The following CSTF3 variants were observed in gnomAD, a reference collection of about 807,000 sequenced individuals.
CSTF3 encodes cleavage stimulation factor subunit 3, also known as CF-1 77 kDa subunit.
CSTF3 carries 29 observed loss-of-function variants against 105.8 expected under a neutral mutation model. The ratio of observed to expected loss-of-function variants is 0.27; its 90% CI spans 0.20 to 0.37. The LOEUF (loss-of-function observed/expected upper bound fraction) is 0.37. Ranked by LOEUF, CSTF3 falls within the 10% of genes least tolerant of loss-of-function variation. CSTF3 has a pLI of 1.00. For synonymous variants in CSTF3, 252 were observed against 281.9 expected (o/e 0.89, Z 1.06); for missense variants, 357 against 879.3 (o/e 0.41, Z 7.51).
intron 3 of CSTF3, among the ~76,000 whole-genome samples, chr11:33,111,684 A>G (rs2133781016): frequency 6.6e-6 from 1 of 152,340 alleles, no homozygotes; most frequent in East Asian, 1.9e-4. Flanking sequence ...CAAATTTTGC[A>G]TACCCGTCCC....
chr11:33,146,007 C>T (rs1468622987), intron 1 of CSTF3, among the ~76,000 whole-genome samples: 4 of 152,002 alleles, frequency 2.6e-5, no homozygotes, highest in Admixed American at 2.0e-4. Flanking sequence ...GAGGCTGAGG[C>T]GAGTGGATCA....
chr11:33,130,781 G>A (rs1221649613), intron 3 of CSTF3, among the ~76,000 whole-genome samples: 2 of 151,974 alleles, frequency 1.3e-5, no homozygotes, highest in Non-Finnish European at 2.9e-5. Context: ...AGGAGTTCAA[G>A]ACCAGCCTGG....
At chr11:33,098,446 A>C (rs1855246845) in intron 13 of CSTF3, among the ~76,000 whole-genome samples, 2 of 152,144 alleles carry the variant, frequency 1.3e-5, no homozygotes, top group African/African-American at 4.8e-5. Flanking sequence ...ACAGATCAGT[A>C]ATTGTCAGAG....
Position 33,085,206 on chromosome 11 carries a change from C to T in CSTF3, c.2035G>A (p.Val679Ile), listed in dbSNP as rs753943459. 2.5e-6 allele frequency: 4 copies of T among 1,612,496 alleles called. 1 individual carries two copies. The South Asian group carries it at 4.4e-5, about 18-fold the overall frequency. Residue 679 changes from valine to isoleucine, a missense_variant, in exon 21 of 21, where the codon GTA becomes ATA. Physicochemically the swap from Val to Ile is conservative, Grantham distance 29. Coordinates refer to ENST00000323959, the MANE Select transcript of CSTF3 (RefSeq NM_001326.3). ...GGCCTTTTGACGGCCTTGGTGAGTACTGCATTACTTTCCACGGGGCCGTTG... is the reference window on the plus strand; with the variant it reads ...GGCCTTTTGACGGCCTTGGTGAGTATTGCATTACTTTCCACGGGGCCGTTG... ...EGNGPVESNA[V>I]LTKAVKRPNE...
intron 3 of CSTF3, among the ~76,000 whole-genome samples, chr11:33,133,781 G>C (rs1855624610): frequency 6.6e-6 from 1 of 152,216 alleles, no homozygotes; most frequent in Admixed American, 6.5e-5. Flanking sequence ...CTGCACTCAA[G>C]CCTGGGTGAC....
chr11:33,105,945 C>A (rs767220745), intron 6 of CSTF3, 28 bp from the exon 7 acceptor site: 1 of 1,578,904 alleles, frequency 6.3e-7, no homozygotes, highest in Non-Finnish European at 8.6e-7. Context: ...ATGTTAATAT[C>A]TTTCTTGGTA....
rs570303819 is a variant in CSTF3 at position 33,111,578 on chromosome 11, C to G, written c.226-3160G>C. 2.6e-5 allele frequency among the ~76,000 whole-genome samples: 4 copies of G among 152,234 alleles called. No individual in the cohort carries two copies. The South Asian group carries it at 8.3e-4, about 32-fold the overall frequency. ...CATAATTATGGTTGGCAGGGTGATA[C>G]GGGTGGATGCAAAAATAGAGACAAG... is the stretch of plus-strand genomic sequence containing the variant. On this transcript the variant is annotated intron_variant, in intron 3 of 20. Coordinates refer to ENST00000323959, the MANE Select transcript of CSTF3 (RefSeq NM_001326.3).
intron 8 of CSTF3, among the ~76,000 whole-genome samples, chr11:33,104,129 T>C (rs990533161): frequency 4.6e-5 from 7 of 152,194 alleles, no homozygotes; most frequent in Non-Finnish European, 7.4e-5. Flanking sequence ...ACCTGGCTAA[T>C]AGCCCTTTTC....
intron 3 of CSTF3, among the ~76,000 whole-genome samples, chr11:33,131,191 GA>G (rs1855595220): frequency 6.6e-6 from 1 of 152,138 alleles, no homozygotes; most frequent in South Asian, 2.1e-4. Context: ...ATAGCAACTA[GA>G]ATTTTAGAGA....
rs1849941065 is a variant in CSTF3, at chr11:33,161,358, G to A, written c.-33C>T. ...GCTGATTACAACGTGCGCACTGACC[G>A]TCGATGGGAAGCTAGAAAAGAAAAA... On this transcript the variant is annotated 5_prime_UTR_variant, in exon 1 of 21. The change creates a new upstream start codon in the 5' untranslated region. Transcript: ENST00000323959. 4 of 1,610,614 alleles carry A rather than the reference G, an allele frequency of 2.5e-6. No individual in the cohort carries two copies. Among genetic ancestry groups the A allele is most frequent in the South Asian group, 1.1e-5 (1 of 91,070 alleles).
At chr11:33,121,857 T>A (rs1855492963) in intron 3 of CSTF3, among the ~76,000 whole-genome samples, 1 of 152,204 alleles carries the variant, frequency 6.6e-6, no homozygotes, top group Non-Finnish European at 1.5e-5. Context: ...CCATGACTAC[T>A]ATAACAGGTC....
At chr11:33,096,780 C>T (rs948082302) in intron 14 of CSTF3, 55 bp downstream of exon 14, 15 of 1,510,772 alleles carry the variant, frequency 9.9e-6, no homozygotes, top group Admixed American at 4.4e-5. Flanking sequence ...CTTTCTTTTA[C>T]GAACCTCAGA....
At chr11:33,115,511 A>G (rs544411099) in intron 3 of CSTF3, among the ~76,000 whole-genome samples, 1 of 152,282 alleles carries the variant, frequency 6.6e-6, no homozygotes, top group African/African-American at 2.4e-5. Flanking sequence ...CCCAATTTTA[A>G]GGTAAAGAAA....
chr11:33,097,391 A>G (rs991789121), intron 13 of CSTF3, among the ~76,000 whole-genome samples: 1 of 151,858 alleles, frequency 6.6e-6, no homozygotes, highest in African/African-American at 2.4e-5. Context: ...TTTTTTTGAG[A>G]CGGAGTCTCG....
intron 4 of CSTF3, 92 bp from the exon 5 acceptor site, chr11:33,108,092 C>T (rs1160233665): frequency 2.7e-6 from 2 of 753,778 alleles, no homozygotes; most frequent in African/African-American, 1.8e-5. Context: ...AAATTCAGCT[C>T]CCTTTATGAA....
chr11:33,128,200 T>A (rs1051915957), intron 3 of CSTF3, among the ~76,000 whole-genome samples: 1 of 152,160 alleles, frequency 6.6e-6, no homozygotes, highest in African/African-American at 2.4e-5. Flanking sequence ...ACCAATTTTT[T>A]ATCTTAGGAA....
At position 33,161,284 on chromosome 11, in the gene CSTF3, ACT is replaced by A; in HGVS notation, c.27+13_27+14del. The A allele has an allele frequency of 6.2e-7, 1 of 1,612,444 alleles. No homozygotes were observed. The highest frequency in any genetic ancestry group is 1.3e-5 in the African/African-American group (1 of 74,732). On this transcript the variant is annotated intron_variant, in intron 1 of 20. Transcript: ENST00000323959. ...GAAGAGGTCGCCACGAGGCCCCACCACTCTCCTTCCTCACCTGCTCCGTGGCT... is the reference window on the plus strand; with the variant it reads ...GAAGAGGTCGCCACGAGGCCCCACCACTCCTTCCTCACCTGCTCCGTGGCT...
chr11:33,094,635 TA>T (rs1855200348), intron 15 of CSTF3, among the ~76,000 whole-genome samples: 1 of 152,216 alleles, frequency 6.6e-6, no homozygotes, highest in Admixed American at 6.5e-5. Flanking sequence ...TGAGGAATAT[TA>T]AATGCCCCAC....
chr11:33,138,153 C>G (rs936813755), intron 3 of CSTF3, among the ~76,000 whole-genome samples: 1 of 151,764 alleles, frequency 6.6e-6, no homozygotes, highest in African/African-American at 2.4e-5. Flanking sequence ...ATACAGCTTT[C>G]ACAGACAGCA....
Sources: gnomAD v4.1 joint callset for allele counts (sites outside exome capture counted in the v4.1 genomes callset) on GRCh38, gnomAD v4.1.1 for gene constraint, MANE v1.5 for transcripts, NCBI Gene and HGNC (gene_info 2026-07-23, HGNC 2026-07-21) for gene names.